The following ZNF354B variants were observed in gnomAD, a reference collection of about 807,000 sequenced individuals.
ZNF354B encodes zinc finger protein 354B.
Under a neutral mutation model 12.9 loss-of-function variants are expected in ZNF354B, and 10 were observed. The observed-to-expected ratio is 0.77, with a 90% CI of 0.48 to 1.31. The LOEUF (loss-of-function observed/expected upper bound fraction) is 1.31. Ranked by LOEUF, ZNF354B falls within the 40% of genes most tolerant of loss-of-function variation. The probability of loss-of-function intolerance (pLI) is 0.00; values close to 1 mark genes in which losing one functional copy is unlikely to be tolerated. For missense variants in ZNF354B, 614 were observed against 711.7 expected, an observed-to-expected ratio of 0.86 and a Z score of 1.56; for synonymous variants, 260 against 243.7, an observed-to-expected ratio of 1.07 and a Z score of -0.62.
In ZNF354B at chr5:178,883,776, G is replaced by T. The variant is rs1158428307; in HGVS notation, c.1324G>T (p.Glu442Ter). 3.7e-6 allele frequency: 6 copies of T among 1,614,016 alleles called. No individual in the cohort carries two copies. Among genetic ancestry groups the T allele is most frequent in the Non-Finnish European group, 5.1e-6 (6 of 1,180,012 alleles). The change falls in exon 5 of 5, where the codon GAA becomes TAA. Residue 442 changes from glutamate to a stop codon, truncating the protein, a stop_gained. Transcript: ENST00000322434. LOFTEE classifies it high-confidence loss of function. Reference sequence around the variant, plus strand: ...TGGAGAGAAATTGTATAATTGTAATGAATGTGGTAAAGCCTTAAGCTCCCA... The same window carrying T: ...TGGAGAGAAATTGTATAATTGTAATTAATGTGGTAAAGCCTTAAGCTCCCA... ...HTGEKLYNCN[E>*]CGKALSSHST...
chr5:178,872,056 GA>G, intron 4 of ZNF354B, among the ~76,000 whole-genome samples: 1 of 152,278 alleles, frequency 6.6e-6, no homozygotes, highest in South Asian at 2.1e-4. Context: ...TGAAGATACA[GA>G]AAAATCCCTT....
intron 4 of ZNF354B, among the ~76,000 whole-genome samples, chr5:178,867,512 G>A (rs1002674667): frequency 6.6e-6 from 1 of 152,170 alleles, no homozygotes; most frequent in African/African-American, 2.4e-5. Flanking sequence ...AAGGATTTGG[G>A]CAGGAATCAT....
intron 4 of ZNF354B, among the ~76,000 whole-genome samples, chr5:178,873,893 T>G (rs1757597386): frequency 6.6e-6 from 1 of 152,136 alleles, no homozygotes; most frequent in African/African-American, 2.4e-5. Context: ...ATTGAGGTCT[T>G]TTTTATTTTC....
chr5:178,873,099 T>C (rs1031658694), intron 4 of ZNF354B, among the ~76,000 whole-genome samples: 1 of 152,204 alleles, frequency 6.6e-6, no homozygotes, highest in African/African-American at 2.4e-5. Flanking sequence ...GTGTTTCTTA[T>C]TTAATAAAAT....
chr5:178,884,356 A>G lies in ZNF354B; in HGVS notation c.*65A>G. On this transcript the variant is annotated 3_prime_UTR_variant, in exon 5 of 5. Coordinates refer to ENST00000322434, the MANE Select transcript of ZNF354B (RefSeq NM_058230.3). ...GAGTGATTTATTAAATATAATGAATATGAGAAAACTCTTAGTTCTCATCAG... is the reference window on the plus strand; with the variant it reads ...GAGTGATTTATTAAATATAATGAATGTGAGAAAACTCTTAGTTCTCATCAG... 1 of 1,471,470 alleles carries G rather than the reference A, an allele frequency of 6.8e-7. No homozygotes were observed. Among genetic ancestry groups the G allele is most frequent in the Non-Finnish European group, 9.1e-7 (1 of 1,096,882 alleles). 91.2% of individuals were successfully genotyped at this position (1,471,470 alleles called of 1,614,324 possible).
chr5:178,875,666 G>T (rs1363497552), intron 4 of ZNF354B, among the ~76,000 whole-genome samples: 1 of 152,214 alleles, frequency 6.6e-6, no homozygotes, highest in African/African-American at 2.4e-5. Flanking sequence ...GGGCGAGGTG[G>T]CTACCCTGCT....
At chr5:178,865,343 G>A (rs1319151073) in intron 2 of ZNF354B, among the ~76,000 whole-genome samples, 1 of 151,902 alleles carries the variant, frequency 6.6e-6, no homozygotes, top group African/African-American at 2.4e-5. Flanking sequence ...TCTCGGCTCA[G>A]TGCAATCTCT....
intron 4 of ZNF354B, among the ~76,000 whole-genome samples, chr5:178,867,890 C>T (rs1229134840): frequency 3.9e-5 from 6 of 152,218 alleles, no homozygotes; most frequent in East Asian, 1.9e-4. Context: ...ATATTCATGA[C>T]GTTGCTATGT....
rs768476309 is a variant in ZNF354B at position 178,882,774 on chromosome 5, A to G, written c.322A>G (p.Arg108Gly). ...QTQDSFQEQI[R>G]KRLKRDEPWN... The stretch of plus-strand genomic sequence containing the variant: ...TCAGGATTCATTTCAGGAGCAGATA[A>G]GGAAAAGATTGAAAAGGGATGAACC... Residue 108 changes from arginine (R) to glycine (G), a missense_variant, in exon 5 of 5, where the codon AGG (arginine) becomes GGG (glycine). Arg to Gly is a moderately radical substitution (Grantham distance 125, BLOSUM62 -2). Coordinates refer to ENST00000322434, the MANE Select transcript of ZNF354B (RefSeq NM_058230.3). 4 of 1,590,842 alleles carry G rather than the reference A, an allele frequency of 2.5e-6. No homozygotes were observed. In the South Asian group the frequency reaches 4.7e-5, roughly 19 times the overall value.
chr5:178,869,166 G>C (rs1249430210), intron 4 of ZNF354B, among the ~76,000 whole-genome samples: 1 of 152,126 alleles, frequency 6.6e-6, no homozygotes, highest in Non-Finnish European at 1.5e-5. Context: ...AGCTGCCAGC[G>C]CATGTGAGGA....
intron 4 of ZNF354B, among the ~76,000 whole-genome samples, chr5:178,873,772 A>G (rs1266817773): frequency 6.6e-6 from 1 of 152,202 alleles, no homozygotes; most frequent in East Asian, 1.9e-4. Flanking sequence ...ATAATCATCA[A>G]TCTCTACAAA....
chr5:178,881,125 T>G (rs72814702), intron 4 of ZNF354B, among the ~76,000 whole-genome samples: 27,636 of 152,072 alleles, frequency 0.18, 2,798 homozygotes, highest in Non-Finnish European at 0.24. Context: ...GTTACAGGTG[T>G]GAGCCAGCAC....
chr5:178,871,751 G>A (rs1336834125), intron 4 of ZNF354B, among the ~76,000 whole-genome samples: 1 of 152,206 alleles, frequency 6.6e-6, no homozygotes, highest in Non-Finnish European at 1.5e-5. Flanking sequence ...CGATGTGGAA[G>A]ATAAACGAGA....
Position 178,883,011 on chromosome 5 carries a change from A to C in ZNF354B, c.559A>C (p.Lys187Gln). Residue 187 changes from lysine to glutamine, a missense_variant, in exon 5 of 5, where the codon AAA (lysine) becomes CAA (glutamine). Lys to Gln is a moderately conservative substitution (Grantham distance 53, BLOSUM62 1). Transcript: ENST00000322434. ...QRFAKEKTPS[K>Q]CEIQRNSFKQ... ...ATTTGCTAAAGAAAAAACTCCATCA[A>C]AATGTGAAATACAAAGAAATAGTTT... 1 of 1,607,634 alleles carries C rather than the reference A, an allele frequency of 6.2e-7. No homozygotes were observed. The highest frequency in any genetic ancestry group is 8.5e-7 in the Non-Finnish European group (1 of 1,178,548).
Position 178,884,285 on chromosome 5 carries a change from T to C in ZNF354B, c.1833T>C (p.His611=). 6.3e-7 allele frequency: 1 copy of C among 1,580,586 alleles called. No homozygotes were observed. The highest frequency in any genetic ancestry group is 2.2e-5 in the East Asian group (1 of 44,548). ...AGGACTCCTTAAAAGCCGATTTGCA[T>C]GTGTGAAAGCCTTAAACCAAAACTC... ...IEEDSLKADL[H]V Residue 611 remains histidine, a synonymous_variant, in exon 5 of 5, where the codon CAT becomes CAC. Coordinates refer to ENST00000322434, the MANE Select transcript of ZNF354B (RefSeq NM_058230.3).
chr5:178,869,968 G>A (rs1324472941), intron 4 of ZNF354B, among the ~76,000 whole-genome samples: 1 of 152,052 alleles, frequency 6.6e-6, no homozygotes, highest in African/African-American at 2.4e-5. Context: ...TTGAAGGACT[G>A]GGATGTTCCT....
rs749303082 is a variant in ZNF354B, at chr5:178,882,951, T to C, written c.499T>C (p.Phe167Leu). The C allele has an allele frequency of 1.9e-6, 3 of 1,603,556 alleles. No individual in the cohort carries two copies. Among genetic ancestry groups the C allele is most frequent in the South Asian group, 2.3e-5 (2 of 87,540 alleles). Residue 167 changes from phenylalanine (F) to leucine (L), a missense_variant, in exon 5 of 5, where the codon TTC (phenylalanine) becomes CTC (leucine). By Grantham distance (22) the Phe-to-Leu change is conservative. Transcript: ENST00000322434. ...TAAAAATGTTGAATTTGGCCAAAAC[T>C]TCTACCTGAAATCAGTCTTCATTAA... Reference protein sequence around the residue: ...SHKNVEFGQNFYLKSVFIKQQ... With the variant: ...SHKNVEFGQNLYLKSVFIKQQ...
chr5:178,861,686 C>T (rs1401547342), intron 2 of ZNF354B, among the ~76,000 whole-genome samples: 2 of 152,134 alleles, frequency 1.3e-5, no homozygotes, highest in Non-Finnish European at 2.9e-5. Flanking sequence ...CCTCAGCTAG[C>T]GGCAGGAAGG....
chr5:178,860,634 CGCA>C (rs1757331092), intron 1 of ZNF354B: 1 of 166,706 alleles, frequency 6.0e-6, no homozygotes, highest in African/African-American at 2.5e-5. Context: ...CGGCCCGCCT[CGCA>C]GCGGCGTGAA....
Sources: allele counts gnomAD v4.1 joint callset (sites outside exome capture counted in the v4.1 genomes callset), GRCh38; gene constraint gnomAD v4.1.1; transcripts MANE v1.5; gene names NCBI Gene and HGNC (gene_info 2026-07-23, HGNC 2026-07-21).